Variants in RARRES1 observed in about 807,000 individuals in gnomAD.
RARRES1 encodes the protein retinoic acid receptor responder protein 1.
In RARRES1, 34 loss-of-function variants were observed where a neutral mutation model predicts 30.6. The ratio of observed to expected loss-of-function variants is 1.11; its 90% CI spans 0.84 to 1.48. The LOEUF is 1.48. RARRES1 is among the 40% of genes most tolerant of loss of function. The pLI is 0.00. For synonymous variants in RARRES1, 153 were observed against 155.5 expected (o/e 0.98, Z 0.12); for missense variants, 373 against 386.5 (o/e 0.97, Z 0.29).
Position 158,732,305 on chromosome 3 carries a change from G to A in RARRES1, c.111C>T (p.Pro37=), listed in dbSNP as rs2108161234. The change falls in exon 1 of 6, where the codon CCC becomes CCT. Residue 37 remains proline (P), a synonymous_variant. Coordinates refer to ENST00000237696, the MANE Select transcript of RARRES1 (RefSeq NM_206963.2). ...GGTCGTCGGGGTCCCCGGACCCCGC[G>A]GGCGCCGCCACCGGGGCGAGCAACA... The part of the protein sequence containing the change: ...LLLLLAPVAA[P]AGSGDPDDPG... 3.0e-6 allele frequency: 4 copies of A among 1,344,190 alleles called. No individual in the cohort carries two copies. The highest frequency in any genetic ancestry group is 3.1e-5 in the East Asian group (1 of 32,400). 83.3% of individuals were successfully genotyped at this position (1,344,190 alleles called of 1,614,324 possible). A position where few individuals can be genotyped will look rare whatever the true frequency, so the allele number is the denominator to read the frequency against.
intron 1 of RARRES1, among the ~76,000 whole-genome samples, chr3:158,719,175 T>A (rs1206664331): frequency 6.6e-6 from 1 of 152,136 alleles, no homozygotes; most frequent in East Asian, 1.9e-4. Flanking sequence ...TCACTGTAGA[T>A]TTTTAAAAAA....
At chr3:158,730,943 C>G (rs992731920) in intron 1 of RARRES1, among the ~76,000 whole-genome samples, 3 of 152,088 alleles carry the variant, frequency 2.0e-5, no homozygotes, top group Admixed American at 6.6e-5. Flanking sequence ...GCCACCACAC[C>G]CAGCTAATTT....
chr3:158,716,276 A>T (rs1727319176), intron 1 of RARRES1, among the ~76,000 whole-genome samples: 1 of 152,224 alleles, frequency 6.6e-6, no homozygotes, highest in East Asian at 1.9e-4. Context: ...GTAGTGGTGA[A>T]AGCCATAGAA....
At chr3:158,710,118 A>G (rs867681878) in intron 3 of RARRES1, among the ~76,000 whole-genome samples, 11 of 151,880 alleles carry the variant, frequency 7.2e-5, no homozygotes, top group Admixed American at 6.5e-5. Flanking sequence ...CAGCACCCCT[A>G]TATGCATATC....
intron 1 of RARRES1, among the ~76,000 whole-genome samples, chr3:158,720,264 G>GTGTGTGTGTGTGTGTT: frequency 1.3e-5 from 1 of 78,986 alleles, no homozygotes; most frequent in South Asian, 5.4e-4. Flanking sequence ...GTGTGTGTGT[G>GTGTGTGTGTGTGTGTT]TATGTGTGTG....
rs1386101857 is a variant in RARRES1, at chr3:158,723,560, G to A, written c.276+8580C>T. On this transcript the variant is annotated intron_variant, in intron 1 of 5. Coordinates refer to ENST00000237696, the MANE Select transcript of RARRES1 (RefSeq NM_206963.2). The surrounding 1 kb of genome is among the most constrained non-coding windows in gnomAD (Gnocchi z 4.4). ...CTTCTGATCAGGCCCAGGCAGTGGG[G>A]CCCAAGGAGCTCTTTGCGTGCGAAT... is the stretch of plus-strand genomic sequence containing the variant. 6.6e-6 allele frequency among the ~76,000 whole-genome samples: 1 copy of A among 152,224 alleles called. No individual in the cohort carries two copies. Among genetic ancestry groups the A allele is most frequent in the Non-Finnish European group, 1.5e-5 (1 of 68,032 alleles).
chr3:158,701,068 C>CT (rs1457713304), intron 4 of RARRES1, among the ~76,000 whole-genome samples: 1 of 152,180 alleles, frequency 6.6e-6, no homozygotes. Flanking sequence ...GAGACTTCTA[C>CT]TTAATGTGAA....
At chr3:158,701,729 A>C (rs1726728756) in intron 4 of RARRES1, among the ~76,000 whole-genome samples, 1 of 152,218 alleles carries the variant, frequency 6.6e-6, no homozygotes, top group African/African-American at 2.4e-5. Flanking sequence ...GCCACTGAAT[A>C]GCAGAATTTG....
intron 1 of RARRES1, among the ~76,000 whole-genome samples, chr3:158,717,236 C>T (rs1459715193): frequency 1.3e-5 from 2 of 152,242 alleles, no homozygotes; most frequent in Non-Finnish European, 2.9e-5. Context: ...ATGATTTCAG[C>T]TCCTACCTTA....
intron 1 of RARRES1, among the ~76,000 whole-genome samples, chr3:158,730,104 G>A (rs1727822907): frequency 1.3e-5 from 2 of 151,746 alleles, no homozygotes; most frequent in Non-Finnish European, 2.9e-5. Context: ...GCCAGATCAC[G>A]AGGTCAGGAG....
chr3:158,725,654 A>T (rs889819831), intron 1 of RARRES1, among the ~76,000 whole-genome samples: 1 of 152,248 alleles, frequency 6.6e-6, no homozygotes, highest in African/African-American at 2.4e-5. Context: ...TTTAAAAACA[A>T]TTTATTATAA....
intron 4 of RARRES1, among the ~76,000 whole-genome samples, chr3:158,700,202 AGTGT>A (rs138755640): frequency 3.4e-5 from 5 of 147,674 alleles, no homozygotes; most frequent in Non-Finnish European, 6.0e-5. Context: ...AATAATAATA[AGTGT>A]GTGTGTGTGT....
rs1727520593 is a variant in RARRES1 at position 158,721,833 on chromosome 3, G to T, written c.277-7974C>A. Among the ~76,000 whole-genome samples the T allele has an allele frequency of 1.3e-5, 2 of 152,290 alleles. 1 individual carries two copies. Among genetic ancestry groups the T allele is most frequent in the Non-Finnish European group, 2.9e-5 (2 of 68,032 alleles). ...GGGCTGGGCATGGTGGCTCATGCCT[G>T]TAATCCCAGCACTTTGGGAGGCCGA... On this transcript the variant is annotated intron_variant, in intron 1 of 5. Coordinates refer to ENST00000237696, the MANE Select transcript of RARRES1 (RefSeq NM_206963.2).
At chr3:158,710,999 A>T in intron 2 of RARRES1, 66 bp from the exon 3 acceptor site, 1 of 1,445,646 alleles carries the variant, frequency 6.9e-7, no homozygotes, top group Non-Finnish European at 9.6e-7. Flanking sequence ...CACACACAAG[A>T]TTGAGAAGAG....
rs112599775 is a variant in RARRES1, at chr3:158,715,939, G to A, written c.277-2080C>T. 4.0e-3 allele frequency among the ~76,000 whole-genome samples: 614 copies of A among 152,238 alleles called. 4 individuals are homozygous for A. The highest frequency in any genetic ancestry group is 0.014 in the African/African-American group (593 of 41,544). The stretch of plus-strand genomic sequence containing the variant: ...CACACTCCCAGCCACATGGGCACCC[G>A]CAAACAACTAACACTCAGAAGGCGA... On this transcript the variant is annotated intron_variant, in intron 1 of 5. Coordinates refer to ENST00000237696, the MANE Select transcript of RARRES1 (RefSeq NM_206963.2).
At chr3:158,731,213 C>T (rs1003143539) in intron 1 of RARRES1, among the ~76,000 whole-genome samples, 1 of 152,200 alleles carries the variant, frequency 6.6e-6, no homozygotes, top group Non-Finnish European at 1.5e-5. Flanking sequence ...TGCTTCCAGG[C>T]GTTTGGCACT....
rs932079957 is a variant in RARRES1, at chr3:158,702,389, C to T, written c.672+2402G>A. ...TTACTTGTATGTCCTCGCTTTCGTACGTGCAGTTTGGTTGAGAGATGTTAG... is the reference window on the plus strand; with the variant it reads ...TTACTTGTATGTCCTCGCTTTCGTATGTGCAGTTTGGTTGAGAGATGTTAG... On this transcript the variant is annotated intron_variant, in intron 4 of 5. Transcript: ENST00000237696. Among the ~76,000 whole-genome samples the T allele has an allele frequency of 2.0e-5, 3 of 152,104 alleles. No homozygotes were observed. The East Asian group carries it at 5.8e-4, about 29-fold the overall frequency.
At chr3:158,712,220 T>A (rs1302250052) in intron 2 of RARRES1, among the ~76,000 whole-genome samples, 2 of 152,146 alleles carry the variant, frequency 1.3e-5, no homozygotes, top group African/African-American at 2.4e-5. Flanking sequence ...TGTGGTTGTT[T>A]AAACTGGGTG....
At chr3:158,725,274 A>G (rs761247802) in intron 1 of RARRES1, among the ~76,000 whole-genome samples, 15 of 152,356 alleles carry the variant, frequency 9.8e-5, no homozygotes, top group Non-Finnish European at 1.8e-4. Context: ...CCATCCAAAA[A>G]GGCAAATAAA....
Sources: gnomAD v4.1 joint callset for allele counts (sites outside exome capture counted in the v4.1 genomes callset) on GRCh38, gnomAD v4.1.1 for gene constraint, Gnocchi (gnomAD v3.1) non-coding constraint, MANE v1.5 for transcripts, NCBI Gene and HGNC (gene_info 2026-07-23, HGNC 2026-07-21) for gene names.